FGF13: variants seen among roughly 807,000 people sequenced by gnomAD.
FGF13 encodes the protein fibroblast growth factor homologous factor 2.
A neutral mutation model predicts 19.5 loss-of-function variants in FGF13; 2 were observed. The observed-to-expected ratio is 0.10, with a 90% CI of 0.04 to 0.32. The LOEUF is 0.32. Among genes scored for constraint, FGF13 ranks in the 10% least tolerant of loss-of-function variants. The pLI, the probability that FGF13 is intolerant of heterozygous loss-of-function variation, is 1.00. For synonymous variants in FGF13, 72 were observed against 76.9 expected, an observed-to-expected ratio of 0.94 and a Z score of 0.33; for missense variants, 113 against 192.7, an observed-to-expected ratio of 0.59 and a Z score of 2.45.
chrX:138,914,375 A>C (rs1217174788), intron 1 of FGF13, among the ~76,000 whole-genome samples: 1 of 110,939 alleles, frequency 9.0e-6, no homozygotes, highest in Admixed American at 9.7e-5. Flanking sequence ...CCCACACTGT[A>C]TGTTACTCCA....
At chrX:139,084,335 A>C (rs2083390378) in intron 1 of FGF13, among the ~76,000 whole-genome samples, 1 of 111,456 alleles carries the variant, frequency 9.0e-6, no homozygotes, top group Admixed American at 9.5e-5. Flanking sequence ...TGCAAATGTG[A>C]CCACTAAACT....
chrX:139,176,856 C>CT (rs1569461309), intron 1 of FGF13, among the ~76,000 whole-genome samples: 2 of 111,126 alleles, frequency 1.8e-5, no homozygotes, highest in Non-Finnish European at 3.8e-5. Flanking sequence ...AGAATAAGTG[C>CT]GATGTGTTGC....
chrX:139,202,733 A>G (rs767164350), intron 1 of FGF13, among the ~76,000 whole-genome samples: 1 of 111,484 alleles, frequency 9.0e-6, no homozygotes. Context: ...GGGAGAGGCG[A>G]GAAGGAGGAG....
intron 1 of FGF13, among the ~76,000 whole-genome samples, chrX:139,201,990 T>C (rs2084418772): frequency 8.9e-6 from 1 of 112,482 alleles, no homozygotes; most frequent in Non-Finnish European, 1.9e-5. Flanking sequence ...TGCTAATTAC[T>C]CAATTCCTAC....
intron 1 of FGF13, among the ~76,000 whole-genome samples, chrX:138,945,500 T>TG (rs914107089): frequency 2.7e-5 from 3 of 111,330 alleles, no homozygotes; most frequent in Non-Finnish European, 5.7e-5. Context: ...CAATGAACAG[T>TG]GGGGGGGTCA....
chrX:139,026,489 G>A (rs1201102408), intron 1 of FGF13, among the ~76,000 whole-genome samples: 1 of 111,950 alleles, frequency 8.9e-6, no homozygotes, highest in African/African-American at 3.2e-5. Flanking sequence ...TGGCCAATTG[G>A]CAAAACACAA....
chrX:138,836,879 G>A (rs895158521), intron 3 of FGF13, among the ~76,000 whole-genome samples: 1 of 81,418 alleles, frequency 1.2e-5, no homozygotes, highest in African/African-American at 6.7e-5. Context: ...TTTTGGTGGT[G>A]GGTTTTTTTT....
intron 1 of FGF13, among the ~76,000 whole-genome samples, chrX:138,891,661 T>A (rs2091477626): frequency 9.0e-6 from 1 of 111,478 alleles, no homozygotes; most frequent in African/African-American, 3.3e-5. Flanking sequence ...AAAGTATTGA[T>A]CCTGGGTGTG....
At chrX:139,053,220 A>ATG (rs201322724) in intron 1 of FGF13, among the ~76,000 whole-genome samples, 1 of 111,173 alleles carries the variant, frequency 9.0e-6, no homozygotes, top group East Asian at 2.8e-4. Context: ...ATAGATAGAT[A>ATG]TGTGTGTGTG....
chrX:138,922,745 G>C (rs956773537), intron 1 of FGF13, among the ~76,000 whole-genome samples: 6 of 111,741 alleles, frequency 5.4e-5, no homozygotes, highest in African/African-American at 2.0e-4. Flanking sequence ...ATCTGTATTT[G>C]CCTATTCCTC....
At chrX:138,657,795 C>T (rs1181208500) in intron 3 of FGF13, among the ~76,000 whole-genome samples, 1 of 111,848 alleles carries the variant, frequency 8.9e-6, no homozygotes, top group Non-Finnish European at 1.9e-5. Flanking sequence ...TAAAAACAAC[C>T]AATTCCCAGT....
chrX:138,648,670 T>A (rs1245270559), intron 3 of FGF13, among the ~76,000 whole-genome samples: 1 of 111,506 alleles, frequency 9.0e-6, no homozygotes, highest in African/African-American at 3.3e-5. Flanking sequence ...TTCTCGAACA[T>A]CCCAGTTGTG....
At chrX:139,164,551 G>A (rs1408140415) in intron 1 of FGF13, among the ~76,000 whole-genome samples, 25 of 109,941 alleles carry the variant, frequency 2.3e-4, no homozygotes, top group African/African-American at 7.0e-4. Context: ...TTTGCCGGGC[G>A]TCATGAGATG....
chrX:138,821,571 C>G (rs987901221), intron 3 of FGF13, among the ~76,000 whole-genome samples: 1 of 111,814 alleles, frequency 8.9e-6, no homozygotes, highest in African/African-American at 3.2e-5. Context: ...TACACTATTT[C>G]ACTAAATATT....
At chrX:138,747,586 G>A (rs1001998438) in intron 3 of FGF13, among the ~76,000 whole-genome samples, 27 of 111,945 alleles carry the variant, frequency 2.4e-4, no homozygotes, top group African/African-American at 8.4e-4. Flanking sequence ...TAGCTACTAA[G>A]GTCCCTTAAT....
chrX:139,014,540 G>A (rs1370356276), intron 1 of FGF13, among the ~76,000 whole-genome samples: 1 of 111,299 alleles, frequency 9.0e-6, no homozygotes, highest in Non-Finnish European at 1.9e-5. Flanking sequence ...ATTAAACCAT[G>A]AAGAGATCCA....
rs772122636 is a variant in FGF13 at position 138,935,705 on chromosome X, A to C, written c.-112-71055T>G. Among the ~76,000 whole-genome samples, 3 of 107,638 alleles carry C rather than the reference A, an allele frequency of 2.8e-5. No homozygotes were observed. The East Asian group carries it at 8.9e-4, about 32-fold the overall frequency. The allele number at this position is 107,638 out of a possible 115,157, so 93.5% of individuals were successfully genotyped here. A position where few individuals can be genotyped will look rare whatever the true frequency, so the allele number is the denominator to read the frequency against. ...TCTATGAGTTTTAACACATGTGTAG[A>C]TCTGTGGAACCTCCATTGCAATCAA... On this transcript the variant is annotated intron_variant, in intron 1 of 2. Transcript: ENST00000421460.
chrX:138,745,644 A>T (rs2090350393), intron 3 of FGF13, among the ~76,000 whole-genome samples: 1 of 112,346 alleles, frequency 8.9e-6, no homozygotes, highest in Non-Finnish European at 1.9e-5. Flanking sequence ...TATCTTGAAG[A>T]TTCTCTTGGC....
chrX:138,675,745 T>G (rs1164869270), intron 3 of FGF13, among the ~76,000 whole-genome samples: 1 of 110,687 alleles, frequency 9.0e-6, no homozygotes, highest in Non-Finnish European at 1.9e-5. Context: ...CAAAGGGGAG[T>G]GGAAAATTGA....
Sources: allele counts gnomAD v4.1 joint callset (sites outside exome capture counted in the v4.1 genomes callset), GRCh38; gene constraint gnomAD v4.1.1; transcripts MANE v1.5; gene names NCBI Gene and HGNC (gene_info 2026-07-23, HGNC 2026-07-21).